Variants in KCMF1 observed in about 807,000 individuals in gnomAD.
KCMF1 encodes potassium channel modulatory factor 1, also known as E3 ubiquitin-protein ligase KCMF1.
Under a neutral mutation model 41.1 loss-of-function variants are expected in KCMF1, and 3 were observed. The ratio of observed to expected loss-of-function variants is 0.07; its 90% CI spans 0.03 to 0.19. The LOEUF (loss-of-function observed/expected upper bound fraction) is 0.19. KCMF1 is among the 10% of genes least tolerant of loss of function. KCMF1 has a pLI of 1.00. For synonymous variants in KCMF1, 142 were observed against 164.5 expected (o/e 0.86, Z 1.04); for missense variants, 286 against 488.9 (o/e 0.58, Z 3.91).
chr2:85,014,706 C>T (rs188707971), intron 1 of KCMF1, among the ~76,000 whole-genome samples: 28 of 146,528 alleles, frequency 1.9e-4, no homozygotes, highest in Admixed American at 2.7e-4. Flanking sequence ...TACTGGCGCG[C>T]GCGTGCGTGC....
intron 1 of KCMF1, among the ~76,000 whole-genome samples, chr2:85,001,648 C>G (rs1342532567): frequency 1.3e-5 from 2 of 152,046 alleles, no homozygotes; most frequent in East Asian, 3.9e-4. Flanking sequence ...TTGTGATGAC[C>G]AAAAAATAGC....
rs539655134 is a variant in KCMF1 at position 84,971,415 on chromosome 2, G to T, written c.-37G>T. 2 of 1,209,534 alleles carry T rather than the reference G, an allele frequency of 1.7e-6. No individual in the cohort carries two copies. The highest frequency in any genetic ancestry group is 1.6e-5 in the African/African-American group (1 of 61,818). 74.9% of individuals were successfully genotyped at this position (1,209,534 alleles called of 1,614,324 possible). ...CCCCGCGGGGGACACTGCAGCCGGA[G>T]CCCGGGAGGGGCCGCGCCGCCACCG... is the stretch of plus-strand genomic sequence containing the variant. On this transcript the variant is annotated 5_prime_UTR_variant, in exon 1 of 7. Coordinates refer to ENST00000409785, the MANE Select transcript of KCMF1 (RefSeq NM_020122.5).
At position 85,013,954 on chromosome 2, in the gene KCMF1, T is replaced by C. The variant is rs373569037; in HGVS notation, c.17-13935T>C. 3.3e-5 allele frequency: 5 copies of C among 152,230 alleles called. No homozygotes were observed. The East Asian group carries it at 7.7e-4, about 23-fold the overall frequency. 9.4% of individuals were successfully genotyped at this position (152,230 alleles called of 1,614,324 possible). Reference sequence around the variant, plus strand: ...TTTTCAGGCCAGAGGTCCCTGTTGCTGTGCATATATTATTAGCCGAGTATA... The same window carrying C: ...TTTTCAGGCCAGAGGTCCCTGTTGCCGTGCATATATTATTAGCCGAGTATA... On this transcript the variant is annotated intron_variant, in intron 1 of 6. Coordinates refer to ENST00000409785, the MANE Select transcript of KCMF1 (RefSeq NM_020122.5).
chr2:84,995,922 A>G (rs1658688396), intron 1 of KCMF1, among the ~76,000 whole-genome samples: 1 of 152,262 alleles, frequency 6.6e-6, no homozygotes, highest in South Asian at 2.1e-4. Flanking sequence ...TTAAAGAAGT[A>G]ATGAAGAAGT....
chr2:85,031,749 T>C (rs1041698570), intron 2 of KCMF1, among the ~76,000 whole-genome samples: 1 of 152,206 alleles, frequency 6.6e-6, no homozygotes, highest in Non-Finnish European at 1.5e-5. Flanking sequence ...TCTTACTTAT[T>C]TATCTATCTA....
chr2:84,989,761 A>AC (rs144715718), intron 1 of KCMF1, among the ~76,000 whole-genome samples: 2 of 152,294 alleles, frequency 1.3e-5, no homozygotes, highest in Non-Finnish European at 2.9e-5. Flanking sequence ...GGGTGGGTGC[A>AC]GGAAGCAGGG....
chr2:84,993,729 C>T (rs1012086742), intron 1 of KCMF1, among the ~76,000 whole-genome samples: 11 of 151,676 alleles, frequency 7.3e-5, no homozygotes, highest in Non-Finnish European at 1.5e-4. Context: ...GCATGCGCCA[C>T]CGTGCCTGGC....
chr2:85,013,526 G>A (rs545082919), intron 1 of KCMF1, among the ~76,000 whole-genome samples: 17 of 152,204 alleles, frequency 1.1e-4, no homozygotes, highest in African/African-American at 3.4e-4. Flanking sequence ...TAGACCGGGC[G>A]CAGTGGCTCA....
rs1419170360 is a variant in KCMF1, at chr2:85,054,301, T to C, written c.*892T>C. On this transcript the variant is annotated 3_prime_UTR_variant, in exon 7 of 7. Coordinates refer to ENST00000409785, the MANE Select transcript of KCMF1 (RefSeq NM_020122.5). ...AGAGTTAACCTGAATTATGTTGTCT[T>C]TGTTTTTAAAAATCTCACATTCTCA... The C allele has an allele frequency of 6.6e-6, 1 of 152,248 alleles. No individual in the cohort carries two copies. Among genetic ancestry groups the C allele is most frequent in the Non-Finnish European group, 1.5e-5 (1 of 68,046 alleles). The allele number at this position is 152,248 out of a possible 1,614,324, so 9.4% of individuals were successfully genotyped here. A position where few individuals can be genotyped will look rare whatever the true frequency, so the allele number is the denominator to read the frequency against.
chr2:85,034,509 G>C (rs1408680831), intron 2 of KCMF1, among the ~76,000 whole-genome samples: 1 of 152,120 alleles, frequency 6.6e-6, no homozygotes, highest in Non-Finnish European at 1.5e-5. Context: ...TGTTTGTCTC[G>C]TTCTCTCTTA....
intron 2 of KCMF1, among the ~76,000 whole-genome samples, chr2:85,028,483 CTTTTTTTTTT>C (rs398042498): frequency 1.5e-4 from 7 of 47,268 alleles, no homozygotes; most frequent in Admixed American, 1.0e-3. Flanking sequence ...CTGTGCCTGG[CTTTTTTTTTT>C]TTTTTTTTTT....
intron 1 of KCMF1, among the ~76,000 whole-genome samples, chr2:85,024,302 G>A (rs763889409): frequency 1.3e-5 from 2 of 152,060 alleles, no homozygotes; most frequent in South Asian, 2.1e-4. Flanking sequence ...GTGAAACCCC[G>A]TCTCTACTAA....
At chr2:85,031,535 T>G (rs1675268063) in intron 2 of KCMF1, among the ~76,000 whole-genome samples, 1 of 152,188 alleles carries the variant, frequency 6.6e-6, no homozygotes, top group Non-Finnish European at 1.5e-5. Context: ...AGGCTTTGTT[T>G]TAGGTGATTT....
At position 85,057,337 on chromosome 2, in the gene KCMF1, G is replaced by C. The variant is rs916272588; in HGVS notation, c.*3928G>C. 1 of 152,208 alleles carries C rather than the reference G, an allele frequency of 6.6e-6. No homozygotes were observed. Among genetic ancestry groups the C allele is most frequent in the African/African-American group, 2.4e-5 (1 of 41,422 alleles). The allele number at this position is 152,208 out of a possible 1,614,324, so 9.4% of individuals were successfully genotyped here. ...TCTCCTTGAGACCGGAAGTGGGATGGGGGTGGGCAGGTGGAAGGGAAGAGG... is the reference window on the plus strand; with the variant it reads ...TCTCCTTGAGACCGGAAGTGGGATGCGGGTGGGCAGGTGGAAGGGAAGAGG... On this transcript the variant is annotated 3_prime_UTR_variant, in exon 7 of 7. Transcript: ENST00000409785.
chr2:85,054,783 C>T lies in KCMF1; in HGVS notation c.*1374C>T, dbSNP rs1008178295. The stretch of plus-strand genomic sequence containing the variant: ...GACTTAACCTAATCATGTCTCGTTC[C>T]AGTTCTCTTTTCTCTGAGCCCTTTT... On this transcript the variant is annotated 3_prime_UTR_variant, in exon 7 of 7. Coordinates refer to ENST00000409785, the MANE Select transcript of KCMF1 (RefSeq NM_020122.5). 1 of 152,084 alleles carries T rather than the reference C, an allele frequency of 6.6e-6. No individual in the cohort carries two copies. The highest frequency in any genetic ancestry group is 1.5e-5 in the Non-Finnish European group (1 of 68,018). The allele number at this position is 152,084 out of a possible 1,614,324, so 9.4% of individuals were successfully genotyped here. A position where few individuals can be genotyped will look rare whatever the true frequency, so the allele number is the denominator to read the frequency against.
At chr2:85,047,335 G>A (rs1675692282) in intron 5 of KCMF1, among the ~76,000 whole-genome samples, 1 of 152,108 alleles carries the variant, frequency 6.6e-6, no homozygotes, top group South Asian at 2.1e-4. Flanking sequence ...ACATTTTTAA[G>A]AACATGTTAT....
At chr2:85,012,501 T>C (rs1558575121) in intron 1 of KCMF1, among the ~76,000 whole-genome samples, 2 of 151,548 alleles carry the variant, frequency 1.3e-5, no homozygotes, top group Non-Finnish European at 2.9e-5. Flanking sequence ...CCCTTCCTTC[T>C]TTCTTTTCCG....
rs79004748 is a variant in KCMF1, at chr2:84,973,232, C to T, written c.16+1765C>T. 2.8e-3 allele frequency among the ~76,000 whole-genome samples: 428 copies of T among 152,260 alleles called. 2 individuals are homozygous for T. Among genetic ancestry groups the T allele is most frequent in the African/African-American group, 9.9e-3 (411 of 41,548 alleles). ...GTCTAAGAAAGCATACAGATAGTTCCAGACGAGCATTCTAATTGAAGTGTC... is the reference window on the plus strand; with the variant it reads ...GTCTAAGAAAGCATACAGATAGTTCTAGACGAGCATTCTAATTGAAGTGTC... On this transcript the variant is annotated intron_variant, in intron 1 of 6. Coordinates refer to ENST00000409785, the MANE Select transcript of KCMF1 (RefSeq NM_020122.5).
chr2:85,053,357 TA>T lies in KCMF1; in HGVS notation c.1097del (p.Asn366IlefsTer2). The T allele has an allele frequency of 1.2e-6, 2 of 1,613,720 alleles. No homozygotes were observed. The highest frequency in any genetic ancestry group is 1.7e-6 in the Non-Finnish European group (2 of 1,179,764). On this transcript the variant is annotated frameshift_variant, in exon 7 of 7. Coordinates refer to ENST00000409785, the MANE Select transcript of KCMF1 (RefSeq NM_020122.5). LOFTEE classifies it high-confidence loss of function. ...IMPLDVALEN[L>X]NLKESNKGNE... ...CCTTTAGATGTTGCTTTAGAAAACCTAAATTTAAAAGAGAGTAATAAAGGAA... is the reference window on the plus strand; with the variant it reads ...CCTTTAGATGTTGCTTTAGAAAACCTAATTTAAAAGAGAGTAATAAAGGAA...
Sources: gnomAD v4.1 joint callset for allele counts (sites outside exome capture counted in the v4.1 genomes callset) on GRCh38, gnomAD v4.1.1 for gene constraint, MANE v1.5 for transcripts, NCBI Gene and HGNC (gene_info 2026-07-23, HGNC 2026-07-21) for gene names.